The following STXBP3 variants were observed in gnomAD, a reference collection of about 807,000 sequenced individuals.
STXBP3 encodes the protein syntaxin-binding protein 3.
STXBP3 carries 41 observed loss-of-function variants against 85.7 expected under a neutral mutation model. That is an observed-to-expected ratio of 0.48 (90% CI 0.37 to 0.62). STXBP3 has a LOEUF of 0.62. Among genes scored for constraint, STXBP3 ranks in the 20% least tolerant of loss-of-function variants. The pLI is 0.00. For missense variants in STXBP3, 563 were observed against 703.1 expected (o/e 0.80, Z 2.25); for synonymous variants, 229 against 231.7 (o/e 0.99, Z 0.10).
At chr1:108,794,932 CTG>C in intron 13 of STXBP3, 25 bp downstream of exon 13, 1 of 1,563,300 alleles carries the variant, frequency 6.4e-7, no homozygotes, top group Non-Finnish European at 8.7e-7. Context: ...AGAAATGCCT[CTG>C]TTCATAACAA....
intron 6 of STXBP3, among the ~76,000 whole-genome samples, chr1:108,769,373 A>G (rs571843767): frequency 4.7e-4 from 71 of 152,240 alleles, no homozygotes; most frequent in African/African-American, 1.6e-3. Context: ...ATATAAGTGG[A>G]CCTGTGTACT....
In STXBP3 at chr1:108,759,890, T is replaced by C. The variant is rs1170930622; in HGVS notation, c.338-95T>C. 1.8e-5 allele frequency: 13 copies of C among 735,958 alleles called. No homozygotes were observed. The Middle Eastern group carries it at 7.4e-4, about 42-fold the overall frequency. The allele number at this position is 735,958 out of a possible 1,614,324, so 45.6% of individuals were successfully genotyped here. A position where few individuals can be genotyped will look rare whatever the true frequency, so the allele number is the denominator to read the frequency against. On this transcript the variant is annotated intron_variant, in intron 5 of 18. Coordinates refer to ENST00000370008, the MANE Select transcript of STXBP3 (RefSeq NM_007269.4). ...TCCTCATAATAACTGTGAAAGCCAG[T>C]AATTATGTATAACTATTCTTGGATG... is the stretch of plus-strand genomic sequence containing the variant.
At chr1:108,752,530 C>T (rs75471750) in intron 2 of STXBP3, among the ~76,000 whole-genome samples, 1,846 of 152,178 alleles carry the variant, frequency 0.012, 66 homozygotes, top group South Asian at 0.12. Flanking sequence ...CAGGGGTCCT[C>T]GAACCCCCAT....
chr1:108,787,690 A>T (rs1191656095), intron 11 of STXBP3, among the ~76,000 whole-genome samples: 1 of 152,058 alleles, frequency 6.6e-6, no homozygotes, highest in Non-Finnish European at 1.5e-5. Flanking sequence ...ATTAAGTATT[A>T]TGTTAGTTTT....
rs377511081 is a variant in STXBP3 at position 108,796,763 on chromosome 1, A to G, written c.1356+37A>G. On this transcript the variant is annotated intron_variant, in intron 15 of 18. Transcript: ENST00000370008. ...TATGTTGTGTATATACTTTATATGT[A>G]TGTGTATGTATGGTTGTATGTATTA... is the stretch of plus-strand genomic sequence containing the variant. 16 of 1,494,288 alleles carry G rather than the reference A, an allele frequency of 1.1e-5. No individual in the cohort carries two copies. In the East Asian group the frequency reaches 2.8e-4, roughly 26 times the overall value. 92.6% of individuals were successfully genotyped at this position (1,494,288 alleles called of 1,614,324 possible).
intron 7 of STXBP3, among the ~76,000 whole-genome samples, chr1:108,774,160 T>C (rs1484642082): frequency 9.2e-5 from 14 of 152,184 alleles, no homozygotes; most frequent in Admixed American, 8.5e-4. Flanking sequence ...CTGAGAGTCA[T>C]CCATGTTTGT....
chr1:108,765,692 T>C (rs1241132802), intron 6 of STXBP3, among the ~76,000 whole-genome samples: 1 of 148,700 alleles, frequency 6.7e-6, no homozygotes, highest in East Asian at 2.1e-4. Context: ...TGCCTCAGCC[T>C]CCAGAGTAGC....
chr1:108,759,934 A>G lies in STXBP3; in HGVS notation c.338-51A>G, dbSNP rs779641049. 3 of 1,126,238 alleles carry G rather than the reference A, an allele frequency of 2.7e-6. No homozygotes were observed. The South Asian group carries it at 4.4e-5, about 17-fold the overall frequency. The allele number at this position is 1,126,238 out of a possible 1,614,324, so 69.8% of individuals were successfully genotyped here. ...TTGGATGTTGGAATGATTTATTTAA[A>G]AGGAATAAAATCTAGATGTAACTAT... is the stretch of plus-strand genomic sequence containing the variant. On this transcript the variant is annotated intron_variant, in intron 5 of 18. Coordinates refer to ENST00000370008, the MANE Select transcript of STXBP3 (RefSeq NM_007269.4).
chr1:108,798,776 AAT>A (rs1212401637), intron 16 of STXBP3, among the ~76,000 whole-genome samples: 1 of 152,210 alleles, frequency 6.6e-6, no homozygotes, highest in Non-Finnish European at 1.5e-5. Context: ...AAAAAAATAA[AAT>A]AAACACATAT....
intron 1 of STXBP3, among the ~76,000 whole-genome samples, chr1:108,748,084 T>C (rs1661830116): frequency 6.6e-6 from 1 of 151,976 alleles, no homozygotes. Flanking sequence ...GATAAAGACA[T>C]TGTTTTTATT....
chr1:108,772,865 T>G, intron 7 of STXBP3, 46 bp downstream of exon 7: 1 of 1,452,854 alleles, frequency 6.9e-7, no homozygotes, highest in Middle Eastern at 1.8e-4. Flanking sequence ...TATTTACCAT[T>G]CATTATAGAG....
At chr1:108,801,632 T>C (rs1663233787) in intron 17 of STXBP3, among the ~76,000 whole-genome samples, 1 of 151,636 alleles carries the variant, frequency 6.6e-6, no homozygotes, top group African/African-American at 2.4e-5. Context: ...AAATAGGCAG[T>C]TCTTAAGTCT....
chr1:108,758,689 C>T, intron 5 of STXBP3, 101 bp downstream of exon 5: 2 of 489,992 alleles, frequency 4.1e-6, no homozygotes, highest in East Asian at 3.5e-5. Flanking sequence ...AAAGTATCTA[C>T]TTTTTATAAT....
intron 3 of STXBP3, among the ~76,000 whole-genome samples, chr1:108,754,157 G>A (rs1263465444): frequency 3.3e-5 from 5 of 150,762 alleles, no homozygotes; most frequent in South Asian, 2.1e-4. Flanking sequence ...CTCAGTCTCC[G>A]AAGTAGCTGG....
chr1:108,756,760 A>C lies in STXBP3; in HGVS notation c.252A>C (p.Thr84=), dbSNP rs200215514. The C allele has an allele frequency of 2.0e-5, 31 of 1,589,194 alleles. No homozygotes were observed. In the Admixed American group the frequency reaches 3.3e-4, roughly 17 times the overall value. The change falls in exon 4 of 19, where the codon ACA becomes ACC. Residue 84 remains threonine (T), a synonymous_variant. Transcript: ENST00000370008. ...QMKALYFITP[T]SKSVDCFLHD... ...AAGCTCTTTATTTCATCACTCCGAC[A>C]TCAAAGGTGAGTATTTTGAGACCTT...
At chr1:108,774,678 TG>T (rs1662548563) in intron 7 of STXBP3, among the ~76,000 whole-genome samples, 1 of 144,778 alleles carries the variant, frequency 6.9e-6, no homozygotes, top group African/African-American at 2.6e-5. Flanking sequence ...GGGGTCTCTA[TG>T]TGTTGCCCAG....
chr1:108,764,954 G>C (rs1221445495), intron 6 of STXBP3, among the ~76,000 whole-genome samples: 1 of 152,154 alleles, frequency 6.6e-6, no homozygotes, highest in Non-Finnish European at 1.5e-5. Context: ...ATCTTTGCCA[G>C]TTCCTACGTC....
At chr1:108,804,717 A>G (rs961285933) in intron 17 of STXBP3, among the ~76,000 whole-genome samples, 1 of 152,200 alleles carries the variant, frequency 6.6e-6, no homozygotes, top group Non-Finnish European at 1.5e-5. Context: ...TAGTATGATT[A>G]ATACCTAAGA....
intron 18 of STXBP3, among the ~76,000 whole-genome samples, chr1:108,808,254 G>T (rs555960370): frequency 2.6e-5 from 4 of 152,330 alleles, no homozygotes; most frequent in Non-Finnish European, 4.4e-5. Context: ...GCTCAGGCCT[G>T]TAATTCCAGC....
Sources: gnomAD v4.1 joint callset for allele counts (sites outside exome capture counted in the v4.1 genomes callset) on GRCh38, gnomAD v4.1.1 for gene constraint, MANE v1.5 for transcripts, NCBI Gene and HGNC (gene_info 2026-07-23, HGNC 2026-07-21) for gene names.